Variants in ATP10A observed in about 807,000 individuals in gnomAD.
ATP10A encodes phospholipid-transporting ATPase VA.
ATP10A carries 111 observed loss-of-function variants against 147.8 expected under a neutral mutation model. The ratio of observed to expected loss-of-function variants is 0.75; its 90% CI spans 0.64 to 0.88. ATP10A has a LOEUF of 0.88. Ranked by LOEUF, ATP10A falls within the 40% of genes least tolerant of loss-of-function variation. The probability of loss-of-function intolerance (pLI) is 0.00; values close to 1 mark genes in which losing one functional copy is unlikely to be tolerated. For missense variants in ATP10A, 1,927 were observed against 1,959.0 expected, an observed-to-expected ratio of 0.98 and a Z score of 0.31; for synonymous variants, 875 against 841.6, an observed-to-expected ratio of 1.04 and a Z score of -0.69.
chr15:25,823,779 T>C (rs1891991327), intron 1 of ATP10A, among the ~76,000 whole-genome samples: 1 of 152,240 alleles, frequency 6.6e-6, no homozygotes, highest in African/African-American at 2.4e-5. Flanking sequence ...AATAACCATG[T>C]AGTAATAAGC....
chr15:25,809,650 A>C (rs1322828592), intron 1 of ATP10A, among the ~76,000 whole-genome samples: 1 of 152,132 alleles, frequency 6.6e-6, no homozygotes, highest in Non-Finnish European at 1.5e-5. Context: ...AAACTCACTC[A>C]TGGTTCCATA....
Position 25,694,648 on chromosome 15 carries a change from A to G in ATP10A, c.3088+171T>C, listed in dbSNP as rs73361170. 6.0e-3 allele frequency among the ~76,000 whole-genome samples: 921 copies of G among 152,322 alleles called. 11 individuals carry two copies. Among genetic ancestry groups the G allele is most frequent in the African/African-American group, 0.021 (891 of 41,566 alleles). ...CTGCTACTCTCTTTTGTGGCTTTCC[A>G]ATGTAAACTTTACCTTCGGAACATG... On this transcript the variant is annotated intron_variant, in intron 14 of 20. Transcript: ENST00000555815.
chr15:25,810,608 A>C (rs931048140), intron 1 of ATP10A, among the ~76,000 whole-genome samples: 3 of 152,188 alleles, frequency 2.0e-5, no homozygotes, highest in African/African-American at 7.2e-5. Flanking sequence ...TATATCCACC[A>C]GGGCTTTACC....
At chr15:25,695,825 G>C (rs1424879859) in intron 13 of ATP10A, among the ~76,000 whole-genome samples, 2 of 151,934 alleles carry the variant, frequency 1.3e-5, no homozygotes, top group African/African-American at 2.4e-5. Context: ...ACCCCCCAAG[G>C]ACTAACTGCA....
chr15:25,819,906 A>C (rs1172669466), intron 1 of ATP10A, among the ~76,000 whole-genome samples: 1 of 152,142 alleles, frequency 6.6e-6, no homozygotes, highest in Non-Finnish European at 1.5e-5. Flanking sequence ...TAAAATGATA[A>C]TATTGGAGAC....
At chr15:25,702,256 C>T (rs1422700535) in intron 12 of ATP10A, among the ~76,000 whole-genome samples, 156 bp from the exon 13 acceptor site, 1 of 152,202 alleles carries the variant, frequency 6.6e-6, no homozygotes, top group Non-Finnish European at 1.5e-5. Context: ...CAGTTGTCTG[C>T]CATGTAGTGA....
intron 7 of ATP10A, among the ~76,000 whole-genome samples, chr15:25,720,284 C>T (rs1227270112): frequency 1.4e-4 from 22 of 152,140 alleles, no homozygotes; most frequent in Admixed American, 1.4e-3. Context: ...ACAAATCTGT[C>T]ACTTTGCTTG....
intron 1 of ATP10A, among the ~76,000 whole-genome samples, chr15:25,791,225 G>A (rs568773138): frequency 6.0e-5 from 9 of 151,222 alleles, no homozygotes; most frequent in African/African-American, 9.7e-5. Context: ...GATTACAGGC[G>A]TGCCCCACCA....
intron 1 of ATP10A, among the ~76,000 whole-genome samples, chr15:25,794,790 C>T (rs1369683298): frequency 6.6e-6 from 1 of 152,204 alleles, no homozygotes; most frequent in East Asian, 1.9e-4. Flanking sequence ...TGAGAAGGGC[C>T]ATGCAGATGG....
At chr15:25,793,622 C>T (rs868702867) in intron 1 of ATP10A, among the ~76,000 whole-genome samples, 6 of 152,210 alleles carry the variant, frequency 3.9e-5, no homozygotes, top group East Asian at 1.9e-4. Flanking sequence ...CAGGACCCTG[C>T]GGATGAGTGG....
Position 25,723,886 on chromosome 15 carries a change from G to A in ATP10A, c.1110+5C>T, listed in dbSNP as rs1186142118. Reference sequence around the variant, plus strand: ...CAATTATTGTACGATACTTAGTATTGTTACCTGCAGAACTATTATCATTGT... The same window carrying A: ...CAATTATTGTACGATACTTAGTATTATTACCTGCAGAACTATTATCATTGT... On this transcript the variant is annotated splice_donor_5th_base_variant and intron_variant, in intron 6 of 20. Coordinates refer to ENST00000555815, the MANE Select transcript of ATP10A (RefSeq NM_024490.4). The A allele has an allele frequency of 6.3e-7, 1 of 1,590,924 alleles. No homozygotes were observed. The highest frequency in any genetic ancestry group is 1.2e-5 in the South Asian group (1 of 86,084).
chr15:25,842,479 C>T (rs1892852125), intron 1 of ATP10A, among the ~76,000 whole-genome samples: 1 of 152,124 alleles, frequency 6.6e-6, no homozygotes, highest in African/African-American at 2.4e-5. Context: ...TGAATCTACG[C>T]CATCTTGTTC....
intron 12 of ATP10A, among the ~76,000 whole-genome samples, chr15:25,702,307 C>A (rs146443627): frequency 1.3e-5 from 2 of 152,186 alleles, no homozygotes; most frequent in African/African-American, 4.8e-5. Context: ...CAGTGGTGGA[C>A]GCTTTTGACA....
intron 13 of ATP10A, among the ~76,000 whole-genome samples, chr15:25,697,505 C>T (rs1175879774): frequency 6.6e-6 from 1 of 151,996 alleles, no homozygotes; most frequent in Non-Finnish European, 1.5e-5. Context: ...CAAAGAAAGA[C>T]GAAAACAGCC....
At chr15:25,761,173 G>A (rs918497653) in intron 2 of ATP10A, among the ~76,000 whole-genome samples, 5 of 151,954 alleles carry the variant, frequency 3.3e-5, no homozygotes, top group African/African-American at 4.8e-5. Context: ...AAAGTCAGAC[G>A]AAAAAAGGAC....
intron 14 of ATP10A, among the ~76,000 whole-genome samples, chr15:25,692,767 G>T (rs1900106803): frequency 1.3e-5 from 2 of 152,144 alleles, no homozygotes; most frequent in Admixed American, 1.3e-4. Flanking sequence ...CTAGGAGTAG[G>T]TCACATTGAT....
chr15:25,718,890 C>T (rs1458842041), intron 7 of ATP10A, among the ~76,000 whole-genome samples: 2 of 152,136 alleles, frequency 1.3e-5, no homozygotes, highest in African/African-American at 2.4e-5. Flanking sequence ...GGGGCTCACA[C>T]TCCCAGATTG....
intron 1 of ATP10A, among the ~76,000 whole-genome samples, chr15:25,799,031 G>A (rs921794530): frequency 1.3e-5 from 2 of 152,148 alleles, no homozygotes; most frequent in Non-Finnish European, 2.9e-5. Flanking sequence ...CCCTTTCTCT[G>A]TGCCTTTCCT....
intron 1 of ATP10A, among the ~76,000 whole-genome samples, chr15:25,784,506 C>T (rs1052039891): frequency 3.9e-5 from 6 of 152,170 alleles, no homozygotes; most frequent in Non-Finnish European, 5.9e-5. Flanking sequence ...AAGGAGATTC[C>T]CCCCTGAGGA....
Sources: allele counts gnomAD v4.1 joint callset (sites outside exome capture counted in the v4.1 genomes callset), GRCh38; gene constraint gnomAD v4.1.1; transcripts MANE v1.5; gene names NCBI Gene and HGNC (gene_info 2026-07-23, HGNC 2026-07-21).